Variants in TASP1 observed in about 807,000 individuals in gnomAD.
TASP1 encodes the protein taspase 1, also known as threonine aspartase 1.
In TASP1, 16 loss-of-function variants were observed where a neutral mutation model predicts 56.6. The observed-to-expected ratio is 0.28, with a 90% CI of 0.19 to 0.43. The LOEUF (loss-of-function observed/expected upper bound fraction) is 0.43. Ranked by LOEUF, TASP1 falls within the 20% of genes least tolerant of loss-of-function variation. The pLI, the probability that TASP1 is intolerant of heterozygous loss-of-function variation, is 1.00. For missense variants in TASP1, 393 were observed against 511.6 expected (o/e 0.77, Z 2.24); for synonymous variants, 179 against 184.2 (o/e 0.97, Z 0.23).
the TASP1 span, among the ~76,000 whole-genome samples, chr20:13,267,520 G>C: frequency 2.6e-5 from 4 of 152,140 alleles, no homozygotes; most frequent in Non-Finnish European, 5.9e-5. Context: ...GGAGGGTACA[G>C]GGCTCTTCTT....
chr20:13,331,190 GT>G, the TASP1 span, among the ~76,000 whole-genome samples: 4 of 152,042 alleles, frequency 2.6e-5, no homozygotes, highest in Non-Finnish European at 5.9e-5. Context: ...ATTTTGATAT[GT>G]TGTATTTTTA....
At chr20:13,526,475 T>C (rs1281303373) in intron 10 of TASP1, among the ~76,000 whole-genome samples, 1 of 152,192 alleles carries the variant, frequency 6.6e-6, no homozygotes, top group Non-Finnish European at 1.5e-5. Flanking sequence ...TTGTAAACAT[T>C]ATGCATCAAG....
At chr20:13,449,973 C>A (rs1301356680) in intron 11 of TASP1, among the ~76,000 whole-genome samples, 1 of 152,012 alleles carries the variant, frequency 6.6e-6, no homozygotes, top group Admixed American at 6.6e-5. Flanking sequence ...TAAAGGCATA[C>A]CTTGAAGATA....
chr20:13,354,156 CA>C, the TASP1 span, among the ~76,000 whole-genome samples: 32 of 151,936 alleles, frequency 2.1e-4, 1 homozygote, highest in Non-Finnish European at 8.8e-5. Flanking sequence ...TCCCAGAAAG[CA>C]GAACAAATAA....
chr20:13,394,965 T>C (rs771009701), intron 13 of TASP1, among the ~76,000 whole-genome samples: 1 of 152,208 alleles, frequency 6.6e-6, no homozygotes, highest in Non-Finnish European at 1.5e-5. Context: ...AGAAAAGTAA[T>C]ATAGAAAGTA....
At chr20:13,461,935 T>G (rs1203638052) in intron 11 of TASP1, among the ~76,000 whole-genome samples, 1 of 152,260 alleles carries the variant, frequency 6.6e-6, no homozygotes, top group South Asian at 2.1e-4. Context: ...AAGCCCCATT[T>G]TGTGGAGGAG....
Position 13,630,053 on chromosome 20 carries a change from G to C in TASP1, c.26C>G (p.Ser9Cys). The change falls in exon 2 of 14, where the codon TCT (serine) becomes TGT (cysteine). Residue 9 changes from serine to cysteine, a missense_variant. This residue lies in a region of TASP1 where 52 missense variants were observed against 51.1 expected (regional missense o/e 1.02). Coordinates refer to ENST00000337743, the MANE Select transcript of TASP1 (RefSeq NM_017714.3). ...TGATCTGGAAGGCAGCCCTTCTCCAGAACTCATCCCCTTCTCCATGGTCAT... is the reference window on the plus strand; with the variant it reads ...TGATCTGGAAGGCAGCCCTTCTCCACAACTCATCCCCTTCTCCATGGTCAT... MTMEKGMS[S>C]GEGLPSRSSQ... 1 of 1,613,446 alleles carries C rather than the reference G, an allele frequency of 6.2e-7. No homozygotes were observed.
chr20:13,219,696 CTT>C, the TASP1 span, among the ~76,000 whole-genome samples: 9 of 152,110 alleles, frequency 5.9e-5, no homozygotes, highest in Non-Finnish European at 1.5e-5. Flanking sequence ...TTTAAAGATG[CTT>C]CAGGCATCTT....
chr20:13,508,125 T>C (rs182073731), intron 10 of TASP1, among the ~76,000 whole-genome samples: 4 of 149,978 alleles, frequency 2.7e-5, no homozygotes, highest in Admixed American at 6.6e-5. Flanking sequence ...AGAGTAAAAC[T>C]AAAGGAGTAA....
chr20:13,315,497 A>AT, the TASP1 span, among the ~76,000 whole-genome samples: 2,899 of 152,156 alleles, frequency 0.019, 98 homozygotes, highest in African/African-American at 0.06. Context: ...ACAATCCTTA[A>AT]TATGTATTCA....
intron 12 of TASP1, among the ~76,000 whole-genome samples, chr20:13,421,877 C>T (rs2042446017): frequency 6.6e-6 from 1 of 152,034 alleles, no homozygotes; most frequent in South Asian, 2.1e-4. Context: ...GGGCTAAGTT[C>T]CTGCAAATCT....
chr20:13,434,123 C>CT (rs2042921886), intron 12 of TASP1, among the ~76,000 whole-genome samples: 1 of 151,758 alleles, frequency 6.6e-6, no homozygotes, highest in Admixed American at 6.6e-5. Flanking sequence ...AAGGGGACTT[C>CT]TGGGGTTGTG....
the TASP1 span, among the ~76,000 whole-genome samples, chr20:13,304,023 G>A: frequency 6.6e-6 from 1 of 152,212 alleles, no homozygotes; most frequent in African/African-American, 2.4e-5. Context: ...CTTCCATCTT[G>A]TGGCTCTGCC....
At chr20:13,492,277 T>A (rs934867438) in intron 10 of TASP1, among the ~76,000 whole-genome samples, 1 of 152,204 alleles carries the variant, frequency 6.6e-6, no homozygotes, top group Non-Finnish European at 1.5e-5. Flanking sequence ...ACATCCCCTC[T>A]TAGAAGTCCA....
At chr20:13,274,093 A>G in the TASP1 span, among the ~76,000 whole-genome samples, 2 of 150,942 alleles carry the variant, frequency 1.3e-5, no homozygotes, top group East Asian at 2.0e-4. Context: ...GTGCATGTGC[A>G]TGCACACAAA....
intron 4 of TASP1, among the ~76,000 whole-genome samples, chr20:13,603,625 C>T (rs558275752): frequency 4.5e-4 from 68 of 152,294 alleles, no homozygotes; most frequent in African/African-American, 1.5e-3. Flanking sequence ...TATCTCTTAA[C>T]GGACTTCTAT....
chr20:13,414,192 C>T (rs989502431), intron 13 of TASP1, among the ~76,000 whole-genome samples: 5 of 152,040 alleles, frequency 3.3e-5, no homozygotes, highest in Admixed American at 6.6e-5. Flanking sequence ...TTGAAGAACA[C>T]GTTTCTTTCT....
chr20:13,535,984 A>G (rs2146910537), intron 8 of TASP1, among the ~76,000 whole-genome samples: 1 of 152,374 alleles, frequency 6.6e-6, no homozygotes, highest in South Asian at 2.1e-4. Context: ...GAAAAGATGG[A>G]TAATCTTAAA....
At chr20:13,260,448 G>A in the TASP1 span, among the ~76,000 whole-genome samples, 1 of 152,326 alleles carries the variant, frequency 6.6e-6, no homozygotes, top group African/African-American at 2.4e-5. Flanking sequence ...GTTTTACCCA[G>A]CTTTGAGCTA....
Sources: gnomAD v4.1 joint callset for allele counts (sites outside exome capture counted in the v4.1 genomes callset) on GRCh38, gnomAD v4.1.1 for gene constraint, gnomAD v4.1.1 regional missense constraint, MANE v1.5 for transcripts, NCBI Gene and HGNC (gene_info 2026-07-23, HGNC 2026-07-21) for gene names.